The following MDGA2 variants were observed in gnomAD, a reference collection of about 807,000 sequenced individuals.
MDGA2 encodes MAM domain containing glycosylphosphatidylinositol anchor 2.
A neutral mutation model predicts 117.8 loss-of-function variants in MDGA2; 40 were observed. The ratio of observed to expected loss-of-function variants is 0.34; its 90% CI spans 0.26 to 0.44. The LOEUF is 0.44. Among genes scored for constraint, MDGA2 ranks in the 20% least tolerant of loss-of-function variants. The probability of loss-of-function intolerance (pLI) is 1.00; values close to 1 mark genes in which losing one functional copy is unlikely to be tolerated. For synonymous variants in MDGA2, 452 were observed against 439.0 expected, an observed-to-expected ratio of 1.03 and a Z score of -0.37; for missense variants, 1,123 against 1,250.6, an observed-to-expected ratio of 0.90 and a Z score of 1.54.
At chr14:46,877,612 C>T (rs1882284693) in intron 11 of MDGA2, 103 bp from the exon 12 acceptor site, 1 of 747,012 alleles carries the variant, frequency 1.3e-6, no homozygotes, top group African/African-American at 1.8e-5. Context: ...TAGTTCCTTA[C>T]CAAAACTTAA....
At chr14:47,102,524 T>A (rs1218284772) in intron 5 of MDGA2, among the ~76,000 whole-genome samples, 2 of 152,038 alleles carry the variant, frequency 1.3e-5, no homozygotes, top group Non-Finnish European at 1.5e-5. Flanking sequence ...TGATTTGGGC[T>A]GGGATCACAG....
chr14:47,341,764 CAG>C (rs2138322858), intron 1 of MDGA2, among the ~76,000 whole-genome samples: 1 of 152,254 alleles, frequency 6.6e-6, no homozygotes, highest in South Asian at 2.1e-4. Flanking sequence ...TTGCAAAAGA[CAG>C]AGGGCTGAAG....
intron 5 of MDGA2, among the ~76,000 whole-genome samples, chr14:47,126,848 T>G (rs1881928466): frequency 2.0e-5 from 3 of 152,116 alleles, no homozygotes; most frequent in Admixed American, 2.0e-4. Context: ...CAGTAAGAAC[T>G]TTTTAGACAT....
At chr14:47,286,826 CAT>C (rs796606770) in intron 2 of MDGA2, among the ~76,000 whole-genome samples, 1 of 71,926 alleles carries the variant, frequency 1.4e-5, no homozygotes, top group Non-Finnish European at 2.9e-5. Flanking sequence ...TATATATATA[CAT>C]ATATATATGT....
chr14:47,237,714 A>C (rs1886910629), intron 2 of MDGA2, among the ~76,000 whole-genome samples: 1 of 152,090 alleles, frequency 6.6e-6, no homozygotes, highest in South Asian at 2.1e-4. Context: ...AAATTCTTGA[A>C]TCACCTCCAT....
intron 8 of MDGA2, among the ~76,000 whole-genome samples, chr14:46,979,354 T>C (rs1233811239): frequency 6.6e-6 from 1 of 152,042 alleles, no homozygotes; most frequent in Non-Finnish European, 1.5e-5. Context: ...TTAGGCCAAT[T>C]AACAACCCTA....
At chr14:47,476,394 A>G (rs1014330390) in intron 1 of MDGA2, among the ~76,000 whole-genome samples, 12 of 152,068 alleles carry the variant, frequency 7.9e-5, no homozygotes, top group Non-Finnish European at 1.3e-4. Flanking sequence ...TTTTTTTTGT[A>G]AAATAAAGAT....
intron 1 of MDGA2, among the ~76,000 whole-genome samples, chr14:47,358,405 G>A (rs538009049): frequency 6.6e-6 from 1 of 152,292 alleles, no homozygotes; most frequent in South Asian, 2.1e-4. Context: ...ACTGTCACCT[G>A]CCAAGCAATC....
rs527518586 is a variant in MDGA2, at chr14:47,595,506, C to G, written c.280+79011G>C. ...CCAAGATCACACCATCACGCTCCAG[C>G]CTAGGTGACGAGTGAAACTCCTTCT... On this transcript the variant is annotated intron_variant, in intron 1 of 16. Transcript: ENST00000399232. Among the ~76,000 whole-genome samples the G allele has an allele frequency of 2.0e-5, 3 of 148,676 alleles. No individual in the cohort carries two copies. In the East Asian group the frequency reaches 5.9e-4, roughly 29 times the overall value.
intron 8 of MDGA2, among the ~76,000 whole-genome samples, chr14:47,003,111 C>A (rs996532136): frequency 2.0e-5 from 3 of 152,034 alleles, no homozygotes; most frequent in Non-Finnish European, 4.4e-5. Context: ...ATGTACTTTT[C>A]TAAAAAAAGC....
chr14:46,844,967 C>T (rs1272976491), intron 16 of MDGA2, among the ~76,000 whole-genome samples: 1 of 152,146 alleles, frequency 6.6e-6, no homozygotes, highest in Admixed American at 6.5e-5. Flanking sequence ...CTGCAAGCTC[C>T]GCCTCCCGCG....
chr14:47,653,661 T>G (rs568397971), intron 1 of MDGA2, among the ~76,000 whole-genome samples: 1 of 152,306 alleles, frequency 6.6e-6, no homozygotes, highest in South Asian at 2.1e-4. Flanking sequence ...GTAATTAAAG[T>G]TGCTAATCAG....
chr14:47,433,668 G>A (rs1404671335), intron 1 of MDGA2, among the ~76,000 whole-genome samples: 1 of 152,114 alleles, frequency 6.6e-6, no homozygotes, highest in Non-Finnish European at 1.5e-5. Flanking sequence ...GGCTGATGCC[G>A]CCATTTACAT....
chr14:47,564,933 T>C (rs1176899480), intron 1 of MDGA2, among the ~76,000 whole-genome samples: 2 of 152,274 alleles, frequency 1.3e-5, no homozygotes, highest in African/African-American at 4.8e-5. Context: ...TTTGAAATTC[T>C]TGTTGAGTTT....
At chr14:47,312,629 G>T (rs1260054462) in intron 1 of MDGA2, among the ~76,000 whole-genome samples, 1 of 150,882 alleles carries the variant, frequency 6.6e-6, no homozygotes, top group Non-Finnish European at 1.5e-5. Flanking sequence ...TCAACCTCCT[G>T]AGCAGCTAGG....
At chr14:47,206,812 C>T (rs1487241680) in intron 3 of MDGA2, among the ~76,000 whole-genome samples, 1 of 151,740 alleles carries the variant, frequency 6.6e-6, no homozygotes, top group African/African-American at 2.4e-5. Flanking sequence ...TCACTTGAGC[C>T]CAGAAGTTCG....
At chr14:47,642,678 A>G (rs1897450528) in intron 1 of MDGA2, among the ~76,000 whole-genome samples, 1 of 151,976 alleles carries the variant, frequency 6.6e-6, no homozygotes, top group African/African-American at 2.4e-5. Flanking sequence ...TTTATCATCT[A>G]TCCATCTCTA....
At chr14:47,099,028 T>C (rs896293177) in intron 5 of MDGA2, among the ~76,000 whole-genome samples, 2 of 152,062 alleles carry the variant, frequency 1.3e-5, no homozygotes, top group Non-Finnish European at 2.9e-5. Flanking sequence ...GTTAAAAATG[T>C]TTTCTTCCAA....
rs760654075 is a variant in MDGA2 at position 47,131,857 on chromosome 14, A to G, written c.793-11T>C. 8 of 1,551,230 alleles carry G rather than the reference A, an allele frequency of 5.2e-6. No homozygotes were observed. The South Asian group carries it at 7.1e-5, about 14-fold the overall frequency. ...GATCTTTGTTTCACCCTGAAAATGT[A>G]CACAAAAAATAAAAGTCATTAGAAA... On this transcript the variant is annotated splice_polypyrimidine_tract_variant and intron_variant, in intron 4 of 16. Transcript: ENST00000399232.
Sources: gnomAD v4.1 joint callset for allele counts (sites outside exome capture counted in the v4.1 genomes callset) on GRCh38, gnomAD v4.1.1 for gene constraint, MANE v1.5 for transcripts, NCBI Gene and HGNC (gene_info 2026-07-23, HGNC 2026-07-21) for gene names.